The following PPP2R5C variants were observed in gnomAD, a reference collection of about 807,000 sequenced individuals.
PPP2R5C encodes serine/threonine-protein phosphatase 2A 56 kDa regulatory subunit gamma isoform.
A neutral mutation model predicts 68.9 loss-of-function variants in PPP2R5C; 7 were observed. The observed-to-expected ratio is 0.10, with a 90% CI of 0.06 to 0.19. PPP2R5C has a LOEUF of 0.19. Among genes scored for constraint, PPP2R5C ranks in the 10% least tolerant of loss-of-function variants. PPP2R5C has a pLI of 1.00. For synonymous variants in PPP2R5C, 210 were observed against 222.2 expected, an observed-to-expected ratio of 0.95 and a Z score of 0.49; for missense variants, 348 against 641.3, an observed-to-expected ratio of 0.54 and a Z score of 4.94.
intron 1 of PPP2R5C, chr14:101,833,356 G>A (rs1022033512): frequency 6.6e-6 from 1 of 152,196 alleles, no homozygotes; most frequent in African/African-American, 2.4e-5. Flanking sequence ...GATATGTCTT[G>A]GCCAGCTCTG....
At chr14:101,895,945 A>G (rs551280282) in intron 8 of PPP2R5C, among the ~76,000 whole-genome samples, 1 of 152,272 alleles carries the variant, frequency 6.6e-6, no homozygotes, top group African/African-American at 2.4e-5. Flanking sequence ...GCAATGCACA[A>G]AGGCTCCCAT....
rs143521874 is a variant in PPP2R5C, at chr14:101,839,879, C to T, written c.95-16807C>T. 6.5e-4 allele frequency among the ~76,000 whole-genome samples: 99 copies of T among 151,932 alleles called. 3 individuals are homozygous for T. The highest frequency in any genetic ancestry group is 6.0e-3 in the South Asian group (29 of 4,806). ...CCATGAAGCCTGGCTCTCAGTGGTG[C>T]GCTCGTCCGCACACACTCGGAGATG... On this transcript the variant is annotated intron_variant, in intron 1 of 13. Transcript: ENST00000334743.
At chr14:101,897,802 A>T (rs1178827272) in intron 8 of PPP2R5C, among the ~76,000 whole-genome samples, 16 of 146,978 alleles carry the variant, frequency 1.1e-4, no homozygotes, top group Non-Finnish European at 2.4e-4. Context: ...GGAGAAAGTA[A>T]TATGTAAAAA....
intron 13 of PPP2R5C, among the ~76,000 whole-genome samples, chr14:101,920,911 G>T (rs2046963066): frequency 6.6e-6 from 1 of 152,010 alleles, no homozygotes; most frequent in African/African-American, 2.4e-5. Flanking sequence ...GATTACAGGT[G>T]TGAGGACCTG....
chr14:101,763,910 C>T (rs780019640), intron 2 of PPP2R5C, among the ~76,000 whole-genome samples: 3 of 152,172 alleles, frequency 2.0e-5, no homozygotes, highest in Non-Finnish European at 2.9e-5. Flanking sequence ...GGGCTAGCTC[C>T]CTATTTCTGT....
chr14:101,839,511 A>G (rs1566892022), intron 1 of PPP2R5C: 1 of 152,428 alleles, frequency 6.6e-6, no homozygotes, highest in Non-Finnish European at 1.5e-5. Context: ...TGAGCTGGTG[A>G]GGCTTCACCA....
intron 6 of PPP2R5C, 104 bp from the exon 9 acceptor site, chr14:101,892,896 C>T: frequency 1.2e-6 from 1 of 807,080 alleles, no homozygotes; most frequent in Non-Finnish European, 2.0e-6. Flanking sequence ...TATATTTTGC[C>T]TGCTGGGTTT....
At chr14:101,813,719 C>T (rs2039500591) in intron 1 of PPP2R5C, among the ~76,000 whole-genome samples, 1 of 152,240 alleles carries the variant, frequency 6.6e-6, no homozygotes, top group East Asian at 1.9e-4. Flanking sequence ...ATTAACTGCT[C>T]TCATCTTGTT....
Position 101,877,395 on chromosome 14 carries a change from C to A in PPP2R5C, c.295-4766C>A, listed in dbSNP as rs115362235. Reference sequence around the variant, plus strand: ...GGGCAGCGTGATTCTGCGTCTGTGCCTCTGGGTGTGCGCTGGATCCGTAGG... The same window carrying A: ...GGGCAGCGTGATTCTGCGTCTGTGCATCTGGGTGTGCGCTGGATCCGTAGG... On this transcript the variant is annotated intron_variant, in intron 2 of 13. Transcript: ENST00000334743. This position sits in a 1 kb window ranked among gnomAD's most constrained non-coding sequence, Gnocchi z 4.2. Among the ~76,000 whole-genome samples, 1,362 of 152,234 alleles carry A rather than the reference C, an allele frequency of 8.9e-3. 19 individuals are homozygous for A. The highest frequency in any genetic ancestry group is 0.031 in the African/African-American group (1,272 of 41,532).
chr14:101,779,161 G>C (rs1218049409), intron 2 of PPP2R5C, among the ~76,000 whole-genome samples: 2 of 152,222 alleles, frequency 1.3e-5, no homozygotes, highest in African/African-American at 4.8e-5. Context: ...AAGTGTGCAT[G>C]GAAGTGGTTG....
At chr14:101,800,926 G>A (rs2038837841) in intron 3 of PPP2R5C, among the ~76,000 whole-genome samples, 1 of 152,196 alleles carries the variant, frequency 6.6e-6, no homozygotes, top group Non-Finnish European at 1.5e-5. Context: ...GCAGCAACAT[G>A]GATGGAACCA....
At chr14:101,802,951 TAAAA>T (rs571594853) in intron 3 of PPP2R5C, among the ~76,000 whole-genome samples, 2 of 99,930 alleles carry the variant, frequency 2.0e-5, no homozygotes, top group South Asian at 3.2e-4. Flanking sequence ...GGCTACTATT[TAAAA>T]AAAAAAAAAA....
At chr14:101,838,003 A>G (rs752335092) in intron 1 of PPP2R5C, among the ~76,000 whole-genome samples, 5 of 152,352 alleles carry the variant, frequency 3.3e-5, no homozygotes, top group Admixed American at 6.5e-5. Context: ...AATTAATGAA[A>G]AAATGAGATA....
chr14:101,840,482 CAAA>C (rs10611025), intron 1 of PPP2R5C, among the ~76,000 whole-genome samples: 27 of 51,868 alleles, frequency 5.2e-4, no homozygotes, highest in African/African-American at 2.4e-3. Context: ...CCCCCACCAC[CAAA>C]AAAAAAAAAA....
chr14:101,857,995 C>T (rs1595390233), intron 2 of PPP2R5C, among the ~76,000 whole-genome samples: 1 of 152,144 alleles, frequency 6.6e-6, no homozygotes, highest in Admixed American at 6.5e-5. Flanking sequence ...TTGAGATCAA[C>T]TTGATTGTTT....
chr14:101,824,964 C>G (rs1357416759), intron 1 of PPP2R5C: 1 of 152,348 alleles, frequency 6.6e-6, no homozygotes, highest in Non-Finnish European at 1.5e-5. Context: ...TGAGAAAATT[C>G]CTGGAAAAGG....
At chr14:101,892,470 C>T (rs1396554635) in intron 6 of PPP2R5C, among the ~76,000 whole-genome samples, 1 of 152,148 alleles carries the variant, frequency 6.6e-6, no homozygotes, top group Non-Finnish European at 1.5e-5. Context: ...GGAGCTCCTG[C>T]TGTTGAGCCA....
intron 2 of PPP2R5C, among the ~76,000 whole-genome samples, chr14:101,870,308 A>G (rs936047973): frequency 3.3e-5 from 5 of 151,916 alleles, no homozygotes; most frequent in Admixed American, 1.3e-4. Flanking sequence ...TTTTTCTCCT[A>G]TATTTTCTTC....
chr14:101,853,209 T>G (rs2042253425), intron 1 of PPP2R5C, among the ~76,000 whole-genome samples: 1 of 152,118 alleles, frequency 6.6e-6, no homozygotes, highest in African/African-American at 2.4e-5. Flanking sequence ...AGTTTTTTAC[T>G]TTTTTACCCA....
Sources: allele counts gnomAD v4.1 joint callset (sites outside exome capture counted in the v4.1 genomes callset), GRCh38; gene constraint gnomAD v4.1.1; non-coding constraint Gnocchi (gnomAD v3.1); transcripts MANE v1.5; gene names NCBI Gene and HGNC (gene_info 2026-07-23, HGNC 2026-07-21).